Variants in PDE4D observed in about 807,000 individuals in gnomAD.
PDE4D encodes the protein phosphodiesterase 4D.
In PDE4D, 24 loss-of-function variants were observed where a neutral mutation model predicts 87.4. That is an observed-to-expected ratio of 0.27 (90% CI 0.20 to 0.39). The LOEUF (loss-of-function observed/expected upper bound fraction) is 0.39, where lower values mean the gene tolerates loss of function less well. Among genes scored for constraint, PDE4D ranks in the 10% least tolerant of loss-of-function variants. PDE4D has a pLI of 1.00. For synonymous variants in PDE4D, 384 were observed against 383.2 expected (o/e 1.00, Z -0.02); for missense variants, 714 against 1,041.0 (o/e 0.69, Z 4.32).
intron 1 of PDE4D, among the ~76,000 whole-genome samples, chr5:59,602,187 A>T (rs952986957): frequency 3.3e-5 from 5 of 152,132 alleles, no homozygotes; most frequent in African/African-American, 4.8e-5. Context: ...TCATTTCAAT[A>T]GACGCAGAAA....
At chr5:60,248,062 T>C (rs1306469595) in intron 1 of PDE4D, among the ~76,000 whole-genome samples, 1 of 152,030 alleles carries the variant, frequency 6.6e-6, no homozygotes, top group African/African-American at 2.4e-5. Context: ...TTCAACTTGA[T>C]AGAATATGAC....
chr5:59,107,702 A>C (rs765375201), intron 5 of PDE4D, among the ~76,000 whole-genome samples: 5 of 152,228 alleles, frequency 3.3e-5, no homozygotes, highest in Non-Finnish European at 5.9e-5. Context: ...GTTTGGTCTA[A>C]GAAGAGAATG....
At chr5:60,330,480 A>C (rs2149867322) in intron 1 of PDE4D, among the ~76,000 whole-genome samples, 1 of 152,314 alleles carries the variant, frequency 6.6e-6, no homozygotes, top group African/African-American at 2.4e-5. Flanking sequence ...TGGTCTTGGC[A>C]TCCATGATAA....
chr5:60,483,614 T>C (rs774181760), intron 1 of PDE4D, among the ~76,000 whole-genome samples: 18 of 152,318 alleles, frequency 1.2e-4, no homozygotes, highest in Non-Finnish European at 2.2e-4. Context: ...AAAAACATTA[T>C]TTCACTATAG....
intron 1 of PDE4D, among the ~76,000 whole-genome samples, chr5:59,720,964 T>G (rs943493883): frequency 6.6e-6 from 1 of 152,176 alleles, no homozygotes. Context: ...CCTCTTGTAT[T>G]AGAGGTTCTC....
At chr5:60,204,254 A>C (rs1742254477) in intron 1 of PDE4D, among the ~76,000 whole-genome samples, 1 of 151,772 alleles carries the variant, frequency 6.6e-6, no homozygotes. Context: ...ATATCTCTCT[A>C]TCTCTCTGTC....
At chr5:60,257,222 GAGAAAGAA>G (rs142753730) in intron 1 of PDE4D, among the ~76,000 whole-genome samples, 61,380 of 142,850 alleles carry the variant, frequency 0.43, 13,772 homozygotes, top group African/African-American at 0.54. Context: ...AAGAAAGAAA[GAGAAAGAA>G]AGAAAGAAAG....
chr5:59,721,864 C>T (rs1407894830), intron 1 of PDE4D, among the ~76,000 whole-genome samples: 1 of 152,156 alleles, frequency 6.6e-6, no homozygotes, highest in East Asian at 1.9e-4. Flanking sequence ...GATTAAAAAT[C>T]TCCTCTGTGT....
At chr5:59,495,575 A>G (rs1367871648) in intron 1 of PDE4D, among the ~76,000 whole-genome samples, 1 of 152,184 alleles carries the variant, frequency 6.6e-6, no homozygotes, top group East Asian at 1.9e-4. Flanking sequence ...CAGATAGTCT[A>G]GGAGAGAATG....
At chr5:59,406,882 T>C (rs1161608023) in intron 1 of PDE4D, among the ~76,000 whole-genome samples, 18 of 152,240 alleles carry the variant, frequency 1.2e-4, no homozygotes, top group Admixed American at 3.9e-4. Flanking sequence ...ACTCTTTTTA[T>C]ATCAACCTAA....
At chr5:59,275,850 G>C in intron 1 of PDE4D, 1 of 985,872 alleles carries the variant, frequency 1.0e-6, no homozygotes, top group Non-Finnish European at 1.2e-6. Flanking sequence ...ACTGTAACAC[G>C]GGAGAGCTGT....
At chr5:60,296,633 C>T (rs1237601934) in intron 1 of PDE4D, among the ~76,000 whole-genome samples, 1 of 152,104 alleles carries the variant, frequency 6.6e-6, no homozygotes, top group Non-Finnish European at 1.5e-5. Flanking sequence ...TTGCAAAAGA[C>T]ACATGCACGT....
At chr5:59,131,651 TGA>T (rs1776306159) in intron 5 of PDE4D, among the ~76,000 whole-genome samples, 2 of 110,762 alleles carry the variant, frequency 1.8e-5, no homozygotes, top group African/African-American at 3.4e-5. Flanking sequence ...CACACATTAA[TGA>T]GAGATTTCTA....
chr5:60,037,050 A>G (rs1210519406), intron 2 of PDE4D, among the ~76,000 whole-genome samples: 1 of 152,202 alleles, frequency 6.6e-6, no homozygotes, highest in Non-Finnish European at 1.5e-5. Context: ...GATCACATGC[A>G]CTTCAGTTAC....
At chr5:60,200,958 G>A (rs773729881) in intron 1 of PDE4D, among the ~76,000 whole-genome samples, 6 of 151,946 alleles carry the variant, frequency 3.9e-5, no homozygotes, top group Non-Finnish European at 8.8e-5. Context: ...AATAAAACGG[G>A]ACCAAAAGTC....
In PDE4D at chr5:59,533,901, G is replaced by A. The variant is rs890322571; in HGVS notation, c.456-317933C>T. ...AAAAAGCACAATTGCTTTTTAAAAG[G>A]TGAAAATCTGAGTCAGCAATTAAGG... On this transcript the variant is annotated intron_variant, in intron 1 of 14. Coordinates refer to ENST00000340635, the MANE Select transcript of PDE4D (RefSeq NM_001104631.2). Among the ~76,000 whole-genome samples the A allele has an allele frequency of 3.3e-5, 5 of 152,070 alleles. No individual in the cohort carries two copies. In the East Asian group the frequency reaches 9.6e-4, roughly 29 times the overall value.
intron 5 of PDE4D, among the ~76,000 whole-genome samples, chr5:59,113,964 TCTCTC>T (rs1773122306): frequency 6.6e-6 from 1 of 152,168 alleles, no homozygotes. Flanking sequence ...ACTAGAAAAT[TCTCTC>T]CTCCCTTTCC....
intron 2 of PDE4D, among the ~76,000 whole-genome samples, chr5:60,018,748 A>G (rs1229149841): frequency 1.3e-5 from 2 of 152,230 alleles, no homozygotes; most frequent in South Asian, 2.1e-4. Flanking sequence ...AAAGAAGGAC[A>G]TTACATAATG....
intron 1 of PDE4D, among the ~76,000 whole-genome samples, chr5:59,629,040 A>G (rs1315800676): frequency 6.6e-6 from 1 of 152,140 alleles, no homozygotes; most frequent in East Asian, 1.9e-4. Context: ...CTCACTCACT[A>G]TCATGAGAAC....
Sources: gnomAD v4.1 joint callset for allele counts (sites outside exome capture counted in the v4.1 genomes callset) on GRCh38, gnomAD v4.1.1 for gene constraint, MANE v1.5 for transcripts, NCBI Gene and HGNC (gene_info 2026-07-23, HGNC 2026-07-21) for gene names.